The following EHF variants were observed in gnomAD, a reference collection of about 807,000 sequenced individuals.
The protein encoded by EHF is ETS homologous factor.
A neutral mutation model predicts 45.1 loss-of-function variants in EHF; 14 were observed. That is an observed-to-expected ratio of 0.31 (90% CI 0.21 to 0.49). The LOEUF is 0.49. EHF is among the 20% of genes least tolerant of loss of function. The pLI, the probability that EHF is intolerant of heterozygous loss-of-function variation, is 0.99. For missense variants in EHF, 282 were observed against 371.4 expected (o/e 0.76, Z 1.98); for synonymous variants, 136 against 131.8 (o/e 1.03, Z -0.22).
chr11:34,644,642 A>T (rs987234365), intron 2 of EHF, among the ~76,000 whole-genome samples: 1 of 152,224 alleles, frequency 6.6e-6, no homozygotes, highest in Non-Finnish European at 1.5e-5. Context: ...CCATGGATGG[A>T]TTCTGAATGA....
intron 6 of EHF, among the ~76,000 whole-genome samples, chr11:34,653,646 T>C (rs1202584879): frequency 6.6e-6 from 1 of 152,168 alleles, no homozygotes; most frequent in Non-Finnish European, 1.5e-5. Context: ...GTGTATTCAT[T>C]GGGGTAATAG....
At position 34,658,875 on chromosome 11, in the gene EHF, A is replaced by C. The variant is rs375639873; in HGVS notation, c.847A>C (p.Arg283=). ...REILERVDGR[R]LVYKFGKNAR... ...AATTCTGGAGCGTGTGGATGGACGA[A>C]GACTGGTATATAAATTTGGGAAGAA... Residue 283 remains arginine (R), a synonymous_variant, in exon 9 of 9, where the codon AGA becomes CGA. Transcript: ENST00000257831. The C allele has an allele frequency of 1.4e-5, 22 of 1,613,394 alleles. No homozygotes were observed. In the African/African-American group the frequency reaches 2.4e-4, roughly 18 times the overall value.
At chr11:34,651,998 T>C (rs962770436) in intron 6 of EHF, among the ~76,000 whole-genome samples, 193 bp downstream of exon 6, 17 of 152,236 alleles carry the variant, frequency 1.1e-4, no homozygotes, top group African/African-American at 3.1e-4. Context: ...GTAGGGATCC[T>C]CTAGGCAAAA....
At chr11:34,648,948 T>G (rs556378793) in intron 3 of EHF, 71 bp from the exon 4 acceptor site, 2 of 1,450,540 alleles carry the variant, frequency 1.4e-6, no homozygotes, top group African/African-American at 2.8e-5. Flanking sequence ...ATGCCAGTTC[T>G]GTCCTTATTT....
intron 3 of EHF, among the ~76,000 whole-genome samples, chr11:34,647,794 G>C (rs760637038): frequency 6.6e-6 from 1 of 152,196 alleles, no homozygotes; most frequent in Non-Finnish European, 1.5e-5. Context: ...GCCATGCCCT[G>C]CTTCCCACCC....
chr11:34,638,088 G>A (rs1181273183), intron 1 of EHF, among the ~76,000 whole-genome samples: 1 of 152,040 alleles, frequency 6.6e-6, no homozygotes, highest in South Asian at 2.1e-4. Flanking sequence ...TTTTAGTAGA[G>A]ACAGGGTTTC....
intron 1 of EHF, among the ~76,000 whole-genome samples, chr11:34,625,911 G>T (rs1332493811): frequency 6.6e-6 from 1 of 151,900 alleles, no homozygotes; most frequent in African/African-American, 2.4e-5. Flanking sequence ...GTTACTAGGG[G>T]TACTTGCCTA....
chr11:34,653,955 C>G (rs976975902), intron 6 of EHF, among the ~76,000 whole-genome samples: 15 of 152,184 alleles, frequency 9.9e-5, no homozygotes, highest in Admixed American at 3.3e-4. Flanking sequence ...AAAATGCCCG[C>G]TGCCGGTGTC....
rs914488249 is a variant in EHF at position 34,659,186 on chromosome 11, A to AT, written c.*263dup. 20 of 324,550 alleles carry AT rather than the reference A, an allele frequency of 6.2e-5. No homozygotes were observed. In the South Asian group the frequency reaches 6.2e-4, roughly 10 times the overall value. The allele number at this position is 324,550 out of a possible 1,614,324, so 20.1% of individuals were successfully genotyped here. The stretch of plus-strand genomic sequence containing the variant: ...AAATATGATGCTGTATGTGGTTGTG[A>AT]TTTTTTTTCACCTCTATTGTGAATT... On this transcript the variant is annotated 3_prime_UTR_variant, in exon 9 of 9. Transcript: ENST00000257831.
chr11:34,623,881 A>T (rs1347045316), intron 1 of EHF, among the ~76,000 whole-genome samples: 1 of 152,256 alleles, frequency 6.6e-6, no homozygotes, highest in Non-Finnish European at 1.5e-5. Context: ...TTCATGTCAC[A>T]GTATCAAACA....
intron 3 of EHF, 193 bp downstream of exon 3, chr11:34,646,877 A>G (rs530458863): frequency 3.1e-6 from 2 of 653,956 alleles, no homozygotes; most frequent in East Asian, 5.7e-5. Context: ...TGGTGTGCCT[A>G]ATCCCTTATA....
chr11:34,626,695 G>A (rs576436817), intron 1 of EHF, among the ~76,000 whole-genome samples: 1 of 152,312 alleles, frequency 6.6e-6, no homozygotes, highest in African/African-American at 2.4e-5. Flanking sequence ...AAGGCTGTGG[G>A]TCAAGGAATG....
chr11:34,655,268 G>A (rs920173220), intron 6 of EHF, among the ~76,000 whole-genome samples: 6 of 152,256 alleles, frequency 3.9e-5, no homozygotes, highest in Middle Eastern at 3.4e-3. Flanking sequence ...CTGCCATGAC[G>A]TTTCGAGAAA....
At chr11:34,645,577 A>G (rs1265646193) in intron 2 of EHF, among the ~76,000 whole-genome samples, 3 of 152,212 alleles carry the variant, frequency 2.0e-5, no homozygotes, top group Admixed American at 1.3e-4. Context: ...TGACAAAGCC[A>G]TTAGAAATAC....
chr11:34,647,084 A>AAC (rs1854631757), intron 3 of EHF, among the ~76,000 whole-genome samples: 1 of 137,004 alleles, frequency 7.3e-6, no homozygotes, highest in Non-Finnish European at 1.6e-5. Context: ...ACAAAACAAA[A>AAC]CCCCCCCCAC....
Position 34,659,016 on chromosome 11 carries a change from T to C in EHF, c.*85T>C. 1 of 1,022,346 alleles carries C rather than the reference T, an allele frequency of 9.8e-7. No individual in the cohort carries two copies. The allele number at this position is 1,022,346 out of a possible 1,614,324, so 63.3% of individuals were successfully genotyped here. ...TCCTGGACGTAAATATTTCAAAGAC[T>C]ACTTTTCTCTGATATTTATGTACCA... On this transcript the variant is annotated 3_prime_UTR_variant, in exon 9 of 9. Coordinates refer to ENST00000257831, the MANE Select transcript of EHF (RefSeq NM_012153.6).
At chr11:34,628,934 G>A (rs1297984001) in intron 1 of EHF, among the ~76,000 whole-genome samples, 4 of 152,164 alleles carry the variant, frequency 2.6e-5, no homozygotes, top group African/African-American at 7.2e-5. Context: ...AAAATTCTTC[G>A]TAAGTTTTGA....
chr11:34,624,993 T>G (rs1392535182), intron 1 of EHF, among the ~76,000 whole-genome samples: 1 of 152,128 alleles, frequency 6.6e-6, no homozygotes, highest in Non-Finnish European at 1.5e-5. Context: ...AAGATCCATT[T>G]TAACCCTCAG....
At chr11:34,657,112 A>G in intron 7 of EHF, 142 bp downstream of exon 7, 1 of 992,568 alleles carries the variant, frequency 1.0e-6, no homozygotes, top group Non-Finnish European at 1.5e-6. Flanking sequence ...GAGAAAATAG[A>G]GGCATCACTT....
Sources: gnomAD v4.1 joint callset for allele counts (sites outside exome capture counted in the v4.1 genomes callset) on GRCh38, gnomAD v4.1.1 for gene constraint, MANE v1.5 for transcripts, NCBI Gene and HGNC (gene_info 2026-07-23, HGNC 2026-07-21) for gene names.